RANBP2: variants seen among roughly 807,000 people sequenced by gnomAD.
RANBP2 encodes the protein E3 SUMO-protein ligase RanBP2.
Under a neutral mutation model 303.6 loss-of-function variants are expected in RANBP2, and 57 were observed. The ratio of observed to expected loss-of-function variants is 0.19; its 90% CI spans 0.15 to 0.23. The LOEUF (loss-of-function observed/expected upper bound fraction) is 0.23, where lower values mean the gene tolerates loss of function less well. Ranked by LOEUF, RANBP2 falls within the 10% of genes least tolerant of loss-of-function variation. RANBP2 has a pLI of 1.00. For synonymous variants in RANBP2, 1,167 were observed against 1,301.5 expected, an observed-to-expected ratio of 0.90 and a Z score of 2.23; for missense variants, 3,138 against 3,780.8, an observed-to-expected ratio of 0.83 and a Z score of 4.46.
the RANBP2 span, among the ~76,000 whole-genome samples, chr2:109,074,570 A>G: frequency 1.3e-5 from 2 of 149,060 alleles, no homozygotes; most frequent in African/African-American, 4.9e-5. Flanking sequence ...GTGTGGTGGC[A>G]TGTGCCTGTA....
the RANBP2 span, among the ~76,000 whole-genome samples, chr2:109,147,818 T>C: frequency 4.6e-5 from 7 of 152,254 alleles, no homozygotes; most frequent in African/African-American, 1.4e-4. Context: ...TGATCTGTCA[T>C]TTAATAACTC....
At chr2:109,058,906 T>A in the RANBP2 span, among the ~76,000 whole-genome samples, 2 of 152,090 alleles carry the variant, frequency 1.3e-5, no homozygotes, top group Non-Finnish European at 2.9e-5. Flanking sequence ...TCGCCTCTGC[T>A]GATAGCACAG....
At chr2:109,611,623 G>C in the RANBP2 span, among the ~76,000 whole-genome samples, 3 of 151,584 alleles carry the variant, frequency 2.0e-5, no homozygotes, top group African/African-American at 7.3e-5. Context: ...AGCCGGCTGT[G>C]GTGGTGCACA....
At chr2:109,025,781 G>T in the RANBP2 span, among the ~76,000 whole-genome samples, 1 of 149,162 alleles carries the variant, frequency 6.7e-6, no homozygotes, top group East Asian at 2.0e-4. Flanking sequence ...CTGGGCAACA[G>T]AGCGAGACTC....
the RANBP2 span, chr2:108,805,121 A>C: frequency 1.3e-4 from 60 of 466,606 alleles, 1 homozygote; most frequent in East Asian, 2.1e-3. Flanking sequence ...AATTTGGATT[A>C]CATTTGTTAG....
At chr2:108,798,815 CT>C in the RANBP2 span, among the ~76,000 whole-genome samples, 1 of 32,190 alleles carries the variant, frequency 3.1e-5, no homozygotes, top group Non-Finnish European at 7.0e-5. Flanking sequence ...CTCTCCACAC[CT>C]ACACACACAC....
chr2:109,082,887 G>A, the RANBP2 span, among the ~76,000 whole-genome samples: 4 of 148,482 alleles, frequency 2.7e-5, no homozygotes, highest in Non-Finnish European at 4.5e-5. Flanking sequence ...GTGCAGTGGC[G>A]CCATCTCAGC....
At chr2:108,752,822 A>G (rs1676007467) in intron 12 of RANBP2, among the ~76,000 whole-genome samples, 176 bp from the exon 13 acceptor site, 1 of 151,706 alleles carries the variant, frequency 6.6e-6, no homozygotes, top group East Asian at 1.9e-4. Context: ...GTGTAGAATG[A>G]TCACTGGTGT....
the RANBP2 span, among the ~76,000 whole-genome samples, chr2:109,227,188 T>G: frequency 6.6e-6 from 1 of 152,058 alleles, no homozygotes; most frequent in African/African-American, 2.4e-5. Context: ...AGGGTGTGTG[T>G]TTTCTCCTGA....
the RANBP2 span, among the ~76,000 whole-genome samples, chr2:109,483,470 G>A: frequency 8.5e-5 from 13 of 152,154 alleles, no homozygotes; most frequent in Admixed American, 5.9e-4. Flanking sequence ...AGGCCTCCCC[G>A]CAAGACCTTG....
chr2:109,614,164 G>A, the RANBP2 span: 2 of 1,185,202 alleles, frequency 1.7e-6, no homozygotes, highest in South Asian at 4.4e-5. Context: ...ATGCAGGCGG[G>A]AACTGCGGAG....
At chr2:108,933,914 A>C in the RANBP2 span, among the ~76,000 whole-genome samples, 7 of 152,084 alleles carry the variant, frequency 4.6e-5, no homozygotes, top group East Asian at 7.8e-4. Context: ...TGGGGTTAGC[A>C]GAGATAGGTT....
At chr2:109,181,974 A>G in the RANBP2 span, among the ~76,000 whole-genome samples, 140 of 152,244 alleles carry the variant, frequency 9.2e-4, 1 homozygote, top group African/African-American at 3.2e-3. Context: ...CAGTTTGGTG[A>G]TGTTTGCTCA....
At chr2:109,676,152 C>T in the RANBP2 span, among the ~76,000 whole-genome samples, 1 of 152,218 alleles carries the variant, frequency 6.6e-6, no homozygotes, top group Non-Finnish European at 1.5e-5. Context: ...CAGAGGGCCC[C>T]TGTGCCCTTC....
At chr2:109,253,249 C>A in the RANBP2 span, among the ~76,000 whole-genome samples, 3 of 152,114 alleles carry the variant, frequency 2.0e-5, no homozygotes, top group African/African-American at 7.2e-5. Flanking sequence ...GAACTCCTGA[C>A]CTGAAGTGAT....
At chr2:109,702,537 C>T in the RANBP2 span, among the ~76,000 whole-genome samples, 3 of 152,208 alleles carry the variant, frequency 2.0e-5, no homozygotes, top group Non-Finnish European at 1.5e-5. Flanking sequence ...CAGACATGGT[C>T]TGGGCACCAC....
At chr2:109,437,683 C>T in the RANBP2 span, among the ~76,000 whole-genome samples, 1 of 151,382 alleles carries the variant, frequency 6.6e-6, no homozygotes. Flanking sequence ...GGAGGAATGA[C>T]AGCTGTTGAT....
the RANBP2 span, among the ~76,000 whole-genome samples, chr2:108,862,841 A>G: frequency 6.6e-6 from 1 of 152,050 alleles, no homozygotes; most frequent in Non-Finnish European, 1.5e-5. Context: ...ACAGTTGCAT[A>G]TTTGCAGGTA....
At chr2:109,640,591 G>A in the RANBP2 span, among the ~76,000 whole-genome samples, 29,148 of 152,048 alleles carry the variant, frequency 0.19, 3,471 homozygotes, top group African/African-American at 0.33. Context: ...AGCCTGTGGC[G>A]GAGAAGCTTA....
Sources: allele counts gnomAD v4.1 joint callset (sites outside exome capture counted in the v4.1 genomes callset), GRCh38; gene constraint gnomAD v4.1.1; transcripts MANE v1.5; gene names NCBI Gene and HGNC (gene_info 2026-07-23, HGNC 2026-07-21).